Variants in EPB41L5 observed in about 807,000 individuals in gnomAD.
EPB41L5 encodes the protein erythrocyte membrane protein band 4.1 like 5.
Under a neutral mutation model 106.6 loss-of-function variants are expected in EPB41L5, and 55 were observed. The observed-to-expected ratio is 0.52, with a 90% CI of 0.42 to 0.65. The LOEUF (loss-of-function observed/expected upper bound fraction) is 0.65, where lower values mean the gene tolerates loss of function less well. Ranked by LOEUF, EPB41L5 falls within the 30% of genes least tolerant of loss-of-function variation. EPB41L5 has a pLI of 0.00. For synonymous variants in EPB41L5, 297 were observed against 306.7 expected (o/e 0.97, Z 0.33); for missense variants, 871 against 882.1 (o/e 0.99, Z 0.16).
chr2:120,177,484 A>AT lies in EPB41L5; in HGVS notation c.*2578dup, dbSNP rs1342977941. The AT allele has an allele frequency of 6.6e-6, 1 of 152,164 alleles. No individual in the cohort carries two copies. Among genetic ancestry groups the AT allele is most frequent in the Admixed American group, 6.5e-5 (1 of 15,288 alleles). 9.4% of individuals were successfully genotyped at this position (152,164 alleles called of 1,614,324 possible). ...CAACTCAGTCCATTTCATAGCCCTGATAGGGGAAGTGGGAGTTGACAGGAT... is the reference window on the plus strand; with the variant it reads ...CAACTCAGTCCATTTCATAGCCCTGATTAGGGGAAGTGGGAGTTGACAGGAT... On this transcript the variant is annotated 3_prime_UTR_variant, in exon 25 of 25. Transcript: ENST00000263713.
At position 120,159,207 on chromosome 2, in the gene EPB41L5, G is replaced by A. The variant is rs1029623854; in HGVS notation, c.1794-1674G>A. On this transcript the variant is annotated intron_variant, in intron 20 of 24. Coordinates refer to ENST00000263713, the MANE Select transcript of EPB41L5 (RefSeq NM_020909.4). ...TGGGAGGCCGAGGCGGGTGGATCAC[G>A]AGGTCAGGAGATCGAGATCATCCTG... is the stretch of plus-strand genomic sequence containing the variant. Among the ~76,000 whole-genome samples, 40 of 150,858 alleles carry A rather than the reference G, an allele frequency of 2.7e-4. 1 individual carries two copies. The highest frequency in any genetic ancestry group is 9.5e-4 in the African/African-American group (39 of 41,014).
At chr2:120,127,952 A>G in intron 17 of EPB41L5, 101 bp downstream of exon 17, 1 of 1,115,974 alleles carries the variant, frequency 9.0e-7, no homozygotes, top group East Asian at 2.6e-5. Context: ...GTACTAGTTC[A>G]ACTTTTAAAT....
intron 24 of EPB41L5, among the ~76,000 whole-genome samples, chr2:120,169,304 A>G (rs1033164033): frequency 1.1e-4 from 17 of 152,252 alleles, no homozygotes; most frequent in Non-Finnish European, 2.9e-5. Flanking sequence ...AAAAATAATA[A>G]TCTTGACCCA....
Position 120,094,997 on chromosome 2 carries a change from T to C in EPB41L5, c.1178+1721T>C, listed in dbSNP as rs566228372. On this transcript the variant is annotated intron_variant, in intron 14 of 24. Coordinates refer to ENST00000263713, the MANE Select transcript of EPB41L5 (RefSeq NM_020909.4). ...ACCCAGGAAAATAGTTTATGTGTAC[T>C]TAAGAAGAGTATATATTTTGCTGTT... is the stretch of plus-strand genomic sequence containing the variant. Among the ~76,000 whole-genome samples the C allele has an allele frequency of 2.6e-5, 4 of 152,324 alleles. No individual in the cohort carries two copies. In the East Asian group the frequency reaches 5.8e-4, roughly 22 times the overall value.
chr2:120,156,573 T>C (rs1686911229), intron 20 of EPB41L5, among the ~76,000 whole-genome samples: 1 of 152,100 alleles, frequency 6.6e-6, no homozygotes, highest in African/African-American at 2.4e-5. Context: ...AGTCACAACC[T>C]TGGCAAGCAC....
At chr2:120,141,896 G>A (rs1686188807) in intron 18 of EPB41L5, among the ~76,000 whole-genome samples, 1 of 151,976 alleles carries the variant, frequency 6.6e-6, no homozygotes, top group South Asian at 2.1e-4. Context: ...ACAGGAAAGT[G>A]TTTCCTAACA....
At chr2:120,130,330 T>G (rs1041905462) in intron 17 of EPB41L5, among the ~76,000 whole-genome samples, 1 of 152,176 alleles carries the variant, frequency 6.6e-6, no homozygotes, top group African/African-American at 2.4e-5. Flanking sequence ...GTGAGAATAA[T>G]TAGAACATTT....
chr2:120,115,588 C>A (rs906975051), intron 16 of EPB41L5, among the ~76,000 whole-genome samples: 1 of 151,936 alleles, frequency 6.6e-6, no homozygotes, highest in Non-Finnish European at 1.5e-5. Context: ...GACGGGGTTT[C>A]ACCATGTTGG....
intron 24 of EPB41L5, among the ~76,000 whole-genome samples, chr2:120,172,140 G>A (rs1428277884): frequency 6.6e-6 from 1 of 152,100 alleles, no homozygotes; most frequent in African/African-American, 2.4e-5. Flanking sequence ...TGAAAACTGG[G>A]AGAGAAAAGA....
At chr2:120,034,915 A>G (rs1246526328) in intron 2 of EPB41L5, among the ~76,000 whole-genome samples, 1 of 152,182 alleles carries the variant, frequency 6.6e-6, no homozygotes, top group Non-Finnish European at 1.5e-5. Flanking sequence ...TGTTACAAGC[A>G]TTGTTTAAAA....
At chr2:120,038,199 C>T (rs750346504) in intron 2 of EPB41L5, among the ~76,000 whole-genome samples, 9 of 152,040 alleles carry the variant, frequency 5.9e-5, no homozygotes, top group African/African-American at 1.2e-4. Flanking sequence ...AAAGCCAATT[C>T]GAAAATAGGC....
chr2:120,116,650 C>T (rs1003568133), intron 16 of EPB41L5, among the ~76,000 whole-genome samples: 1 of 151,988 alleles, frequency 6.6e-6, no homozygotes, highest in African/African-American at 2.4e-5. Flanking sequence ...TCCCAAGTAG[C>T]TAGGACTATA....
intron 24 of EPB41L5, among the ~76,000 whole-genome samples, chr2:120,170,463 G>T (rs756198490): frequency 6.6e-6 from 1 of 152,232 alleles, no homozygotes; most frequent in Non-Finnish European, 1.5e-5. Flanking sequence ...AGGATCTGAA[G>T]ACCTGTTAGA....
intron 2 of EPB41L5, among the ~76,000 whole-genome samples, chr2:120,029,488 A>C (rs1678561050): frequency 6.6e-6 from 1 of 152,162 alleles, no homozygotes; most frequent in Non-Finnish European, 1.5e-5. Context: ...TTGGTTTTAT[A>C]TACATAGGTA....
intron 20 of EPB41L5, among the ~76,000 whole-genome samples, chr2:120,152,460 C>T (rs1686723536): frequency 6.6e-6 from 1 of 152,102 alleles, no homozygotes; most frequent in African/African-American, 2.4e-5. Context: ...GGATATTGGT[C>T]TGTAGGTTTC....
chr2:120,030,114 C>T (rs1022271762), intron 2 of EPB41L5, among the ~76,000 whole-genome samples: 4 of 152,184 alleles, frequency 2.6e-5, no homozygotes, highest in Non-Finnish European at 4.4e-5. Context: ...CATTCCTGGG[C>T]GTAGGCCTAA....
chr2:120,123,507 A>G (rs755551046), intron 16 of EPB41L5, among the ~76,000 whole-genome samples: 3 of 152,208 alleles, frequency 2.0e-5, no homozygotes, highest in Non-Finnish European at 4.4e-5. Context: ...ATTTATAGAT[A>G]TAAGAACCAT....
At chr2:120,119,633 CT>C (rs146253662) in intron 16 of EPB41L5, among the ~76,000 whole-genome samples, 7 of 150,866 alleles carry the variant, frequency 4.6e-5, no homozygotes, top group South Asian at 2.1e-4. Context: ...ATTTCTTTCT[CT>C]TTTTTTTTAA....
At chr2:120,020,966 C>T (rs993034844) in intron 2 of EPB41L5, among the ~76,000 whole-genome samples, 5 of 152,156 alleles carry the variant, frequency 3.3e-5, no homozygotes, top group African/African-American at 1.2e-4. Context: ...GATGCTTGAT[C>T]AAATTTATAA....
Sources: allele counts gnomAD v4.1 joint callset (sites outside exome capture counted in the v4.1 genomes callset), GRCh38; gene constraint gnomAD v4.1.1; transcripts MANE v1.5; gene names NCBI Gene and HGNC (gene_info 2026-07-23, HGNC 2026-07-21).